The following PLEKHM1 variants were observed in gnomAD, a reference collection of about 807,000 sequenced individuals.
PLEKHM1 encodes pleckstrin homology domain-containing family M member 1.
PLEKHM1 carries 28 observed loss-of-function variants against 94.3 expected under a neutral mutation model. That is an observed-to-expected ratio of 0.30 (90% CI 0.22 to 0.41). The LOEUF (loss-of-function observed/expected upper bound fraction) is 0.41, where lower values mean the gene tolerates loss of function less well. PLEKHM1 is among the 10% of genes least tolerant of loss of function. PLEKHM1 has a pLI of 1.00. For missense variants in PLEKHM1, 907 were observed against 1,358.6 expected, an observed-to-expected ratio of 0.67 and a Z score of 5.22; for synonymous variants, 424 against 581.2, an observed-to-expected ratio of 0.73 and a Z score of 3.89.
At chr17:45,467,653 C>T (rs1203975556) in intron 5 of PLEKHM1, among the ~76,000 whole-genome samples, 1 of 152,074 alleles carries the variant, frequency 6.6e-6, no homozygotes, top group Non-Finnish European at 1.5e-5. Flanking sequence ...CCCAGCTACT[C>T]AGGAGGCTGA....
At chr17:45,475,916 G>C in intron 3 of PLEKHM1, 190 bp from the exon 4 acceptor site, 1 of 680,642 alleles carries the variant, frequency 1.5e-6, no homozygotes, top group Non-Finnish European at 2.6e-6. Context: ...GGGAGGCCAA[G>C]GCAGGTGGAT....
chr17:45,471,430 C>A (rs2051507069), intron 4 of PLEKHM1, among the ~76,000 whole-genome samples: 1 of 150,174 alleles, frequency 6.7e-6, no homozygotes, highest in Non-Finnish European at 1.5e-5. Context: ...TATGACCCAG[C>A]AATTCCACCC....
chr17:45,462,602 G>A (rs4325608), intron 5 of PLEKHM1, among the ~76,000 whole-genome samples: 19,267 of 151,852 alleles, frequency 0.13, 1,558 homozygotes, highest in Middle Eastern at 0.21. Context: ...ACAATATTCT[G>A]TGCTTACCCT....
intron 4 of PLEKHM1, among the ~76,000 whole-genome samples, chr17:45,468,820 C>G (rs1485714067): frequency 1.3e-5 from 2 of 152,076 alleles, no homozygotes; most frequent in East Asian, 1.9e-4. Context: ...ATTTGTGGAG[C>G]CTGGGATCTC....
At chr17:45,480,185 T>C (rs953592470) in intron 2 of PLEKHM1, among the ~76,000 whole-genome samples, 5 of 152,186 alleles carry the variant, frequency 3.3e-5, no homozygotes, top group African/African-American at 1.2e-4. Flanking sequence ...CACTACCTAA[T>C]TTTAGAAGAT....
At chr17:45,470,808 G>A (rs1316643394) in intron 4 of PLEKHM1, among the ~76,000 whole-genome samples, 5 of 151,186 alleles carry the variant, frequency 3.3e-5, no homozygotes, top group African/African-American at 9.7e-5. Context: ...ACAGACGCCC[G>A]CCACAACGCC....
intron 3 of PLEKHM1, 36 bp downstream of exon 3, chr17:45,477,864 C>T: frequency 6.2e-7 from 1 of 1,611,318 alleles, no homozygotes; most frequent in Non-Finnish European, 8.5e-7. Context: ...GTCTGCTGCT[C>T]CTCCGCAAAG....
intron 5 of PLEKHM1, among the ~76,000 whole-genome samples, chr17:45,466,875 T>C (rs1409652254): frequency 2.0e-5 from 3 of 152,084 alleles, no homozygotes; most frequent in South Asian, 2.1e-4. Context: ...AGCAATTCCA[T>C]TCCCAGGTAT....
rs754982329 is a variant in PLEKHM1, at chr17:45,444,648, T to G, written c.2837+822A>C. ...TCCTCACTGTAGCCAAAGTTCTCCC[T>G]GGGCTTTCCACCAACGGTGCCTTCG... On this transcript the variant is annotated intron_variant, in intron 9 of 11. Coordinates refer to ENST00000430334, the MANE Select transcript of PLEKHM1 (RefSeq NM_014798.3). This position sits in a 1 kb window ranked among gnomAD's most constrained non-coding sequence, Gnocchi z 5.0. 6.6e-6 allele frequency among the ~76,000 whole-genome samples: 1 copy of G among 152,220 alleles called. No individual in the cohort carries two copies. The highest frequency in any genetic ancestry group is 1.9e-4 in the East Asian group (1 of 5,204).
At chr17:45,467,421 C>T (rs1012579279) in intron 5 of PLEKHM1, among the ~76,000 whole-genome samples, 15 of 152,202 alleles carry the variant, frequency 9.9e-5, no homozygotes, top group African/African-American at 2.4e-4. Context: ...TTGGACAGCA[C>T]GGCTCTAAAA....
chr17:45,469,796 G>T (rs941392984), intron 4 of PLEKHM1, among the ~76,000 whole-genome samples: 4 of 152,198 alleles, frequency 2.6e-5, no homozygotes, highest in African/African-American at 7.2e-5. Context: ...GATTTTGGCC[G>T]GGTGTGGTGG....
At position 45,468,523 on chromosome 17, in the gene PLEKHM1, T is replaced by C; in HGVS notation, c.994A>G (p.Ile332Val). 1 of 1,614,190 alleles carries C rather than the reference T, an allele frequency of 6.2e-7. No individual in the cohort carries two copies. The highest frequency in any genetic ancestry group is 2.2e-5 in the East Asian group (1 of 44,888). Residue 332 changes from isoleucine to valine, a missense_variant, in exon 5 of 12, where the codon ATC becomes GTC. By Grantham distance (29) the Ile-to-Val change is conservative (BLOSUM62 3). Around this residue, in one of 3 missense-constraint regions of PLEKHM1, gnomAD observed 477 missense variants for 601.5 expected, o/e 0.79. Coordinates refer to ENST00000430334, the MANE Select transcript of PLEKHM1 (RefSeq NM_014798.3). ...PTNGLSQETE[I>V]PTPQASLSLH... ...GAGAGCGAGGCCTGTGGTGTGGGGA[T>C]CTCTGTTTCTTGGCTCAGTCCGTTG...
intron 8 of PLEKHM1, among the ~76,000 whole-genome samples, chr17:45,447,484 A>T (rs767226351): frequency 2.6e-5 from 4 of 152,214 alleles, no homozygotes; most frequent in Non-Finnish European, 5.9e-5. Flanking sequence ...ACTGCCAAAC[A>T]CTGCAGATGG....
chr17:45,445,450 T>C lies in PLEKHM1; in HGVS notation c.2837+20A>G. ...GCGTGTGTACGTGCACTCACACGCA[T>C]ACACGTAGAGGTTGCTCACCTCTTG... On this transcript the variant is annotated intron_variant, in intron 9 of 11. Transcript: ENST00000430334. The surrounding 1 kb of genome is among the most constrained non-coding windows in gnomAD (Gnocchi z 4.2). The C allele has an allele frequency of 1.9e-6, 3 of 1,604,042 alleles. No homozygotes were observed. The highest frequency in any genetic ancestry group is 2.6e-6 in the Non-Finnish European group (3 of 1,171,020).
At chr17:45,481,740 C>T (rs2051959341) in intron 2 of PLEKHM1, among the ~76,000 whole-genome samples, 1 of 151,112 alleles carries the variant, frequency 6.6e-6, no homozygotes, top group Non-Finnish European at 1.5e-5. Context: ...GCTGGACTCT[C>T]CTGTGGCCAG....
downstream of PLEKHM1, among the ~76,000 whole-genome samples, chr17:45,434,668 C>T (rs2050217260): frequency 6.6e-6 from 1 of 152,098 alleles, no homozygotes; most frequent in African/African-American, 2.4e-5. Context: ...TGGTCTTGAA[C>T]TTCTGACCTC....
Position 45,445,643 on chromosome 17 carries a change from C to T in PLEKHM1, c.2664G>A (p.Lys888=), listed in dbSNP as rs2050584474. The T allele has an allele frequency of 6.2e-7, 1 of 1,613,556 alleles. No homozygotes were observed. The highest frequency in any genetic ancestry group is 8.5e-7 in the Non-Finnish European group (1 of 1,179,876). ...TKRPICRQAL[K]FLTQIRAQPL... ...GCTGGGCCCGGATCTGTGTCAGAAA[C>T]TTCAGGGCCTGCCTGCAGATCTGGG... Residue 888 remains lysine (K), a synonymous_variant, in exon 9 of 12, where the codon AAG becomes AAA. Coordinates refer to ENST00000430334, the MANE Select transcript of PLEKHM1 (RefSeq NM_014798.3). This position sits in a 1 kb window ranked among gnomAD's most constrained non-coding sequence, Gnocchi z 4.2.
At chr17:45,474,799 T>C (rs1022985552) in intron 4 of PLEKHM1, among the ~76,000 whole-genome samples, 15 of 152,168 alleles carry the variant, frequency 9.9e-5, no homozygotes, top group African/African-American at 3.6e-4. Flanking sequence ...TCCCAAGTGC[T>C]GGGATTTCAG....
rs200717500 is a variant in PLEKHM1, at chr17:45,454,165, G to A, written c.1687C>T (p.Arg563Cys). The A allele has an allele frequency of 1.2e-4, 195 of 1,613,868 alleles. No individual in the cohort carries two copies. The highest frequency in any genetic ancestry group is 4.9e-4 in the Middle Eastern group (3 of 6,084). ...LFCELSPLEFRLYLSNEEHTC... is the reference protein window; with the variant it reads ...LFCELSPLEFCLYLSNEEHTC... Reference sequence around the variant, plus strand: ...TGCTCCTCGTTGCTCAGGTAGAGGCGGAACTCCAGCGGGGAGAGCTCGCAG... The same window carrying A: ...TGCTCCTCGTTGCTCAGGTAGAGGCAGAACTCCAGCGGGGAGAGCTCGCAG... The change falls in exon 7 of 12, where the codon CGC becomes TGC. Residue 563 changes from arginine (R) to cysteine (C), a missense_variant. Around this residue, in one of 3 missense-constraint regions of PLEKHM1, gnomAD observed 477 missense variants for 601.5 expected, o/e 0.79. Coordinates refer to ENST00000430334, the MANE Select transcript of PLEKHM1 (RefSeq NM_014798.3).
Sources: allele counts gnomAD v4.1 joint callset (sites outside exome capture counted in the v4.1 genomes callset), GRCh38; gene constraint gnomAD v4.1.1; regional missense constraint gnomAD v4.1.1; non-coding constraint Gnocchi (gnomAD v3.1); transcripts MANE v1.5; gene names NCBI Gene and HGNC (gene_info 2026-07-23, HGNC 2026-07-21).